SOBP: variants seen among roughly 807,000 people sequenced by gnomAD.
The protein encoded by SOBP is sine oculis-binding protein homolog.
Under a neutral mutation model 53.6 loss-of-function variants are expected in SOBP, and 4 were observed. That is an observed-to-expected ratio of 0.07 (90% CI 0.04 to 0.17). The LOEUF (loss-of-function observed/expected upper bound fraction) is 0.17, where lower values mean the gene tolerates loss of function less well. Among genes scored for constraint, SOBP ranks in the 10% least tolerant of loss-of-function variants. SOBP has a pLI of 1.00. For missense variants in SOBP, 1,088 were observed against 1,204.7 expected, an observed-to-expected ratio of 0.90 and a Z score of 1.43; for synonymous variants, 584 against 522.6, an observed-to-expected ratio of 1.12 and a Z score of -1.60.
At chr6:107,578,602 G>A (rs80041093) in intron 4 of SOBP, among the ~76,000 whole-genome samples, 2,097 of 152,280 alleles carry the variant, frequency 0.014, 51 homozygotes, top group Admixed American at 0.048. Context: ...TACTTCATAA[G>A]TCATTTCTTT....
chr6:107,500,698 T>C (rs1283242352), intron 1 of SOBP, among the ~76,000 whole-genome samples: 1 of 151,440 alleles, frequency 6.6e-6, no homozygotes, highest in Non-Finnish European at 1.5e-5. Flanking sequence ...ATTTTTTGTA[T>C]TTTTATTAGA....
In SOBP at chr6:107,558,737, G is replaced by C. The variant is rs144907989; in HGVS notation, c.573+25127G>C. 5.6e-3 allele frequency among the ~76,000 whole-genome samples: 849 copies of C among 151,608 alleles called. 11 individuals are homozygous for C. The highest frequency in any genetic ancestry group is 0.02 in the African/African-American group (825 of 41,432). On this transcript the variant is annotated intron_variant, in intron 4 of 6. Coordinates refer to ENST00000317357, the MANE Select transcript of SOBP (RefSeq NM_018013.4). Reference sequence around the variant, plus strand: ...TTAAAACTGCAGAATACCATGGGTAGCATTTTAGTTCCGGTATGTTAATTC... The same window carrying C: ...TTAAAACTGCAGAATACCATGGGTACCATTTTAGTTCCGGTATGTTAATTC...
At chr6:107,559,294 C>T (rs1477176101) in intron 4 of SOBP, among the ~76,000 whole-genome samples, 1 of 152,076 alleles carries the variant, frequency 6.6e-6, no homozygotes, top group Non-Finnish European at 1.5e-5. Flanking sequence ...CCACGCTACA[C>T]CGACGTAAAG....
chr6:107,574,656 C>T lies in SOBP; in HGVS notation c.574-12424C>T, dbSNP rs199525760. Among the ~76,000 whole-genome samples the T allele has an allele frequency of 5.3e-5, 8 of 152,148 alleles. No homozygotes were observed. The East Asian group carries it at 1.5e-3, about 29-fold the overall frequency. ...TCACAGGACTCCCCTGGCACCACTC[C>T]TATTTCATCTGCAGCCACCATCCTC... On this transcript the variant is annotated intron_variant, in intron 4 of 6. Coordinates refer to ENST00000317357, the MANE Select transcript of SOBP (RefSeq NM_018013.4).
chr6:107,650,173 AT>A (rs1274171804), intron 6 of SOBP, among the ~76,000 whole-genome samples: 1 of 152,190 alleles, frequency 6.6e-6, no homozygotes, highest in East Asian at 1.9e-4. Context: ...TTTTTATTTT[AT>A]TTTTAGTACT....
At chr6:107,603,291 A>G (rs1786253142) in intron 5 of SOBP, among the ~76,000 whole-genome samples, 1 of 152,124 alleles carries the variant, frequency 6.6e-6, no homozygotes, top group Non-Finnish European at 1.5e-5. Flanking sequence ...CCCTGAATGG[A>G]GAATGGGTGT....
chr6:107,501,374 C>A (rs1437821175), intron 1 of SOBP, among the ~76,000 whole-genome samples: 1 of 152,206 alleles, frequency 6.6e-6, no homozygotes, highest in Non-Finnish European at 1.5e-5. Flanking sequence ...TAGGGGGTTG[C>A]TCCATGATTA....
intron 2 of SOBP, among the ~76,000 whole-genome samples, chr6:107,504,638 C>T (rs192141432): frequency 3.9e-5 from 6 of 152,296 alleles, no homozygotes; most frequent in East Asian, 1.9e-4. Context: ...TCAATATTTG[C>T]GTTGCATTCA....
intron 5 of SOBP, among the ~76,000 whole-genome samples, chr6:107,615,590 G>A (rs1352667514): frequency 1.3e-5 from 2 of 152,110 alleles, no homozygotes; most frequent in Admixed American, 6.5e-5. Context: ...GAATGTGCTT[G>A]GTTTTTTGTT....
At chr6:107,545,157 GA>G (rs1784260084) in intron 4 of SOBP, among the ~76,000 whole-genome samples, 1 of 152,216 alleles carries the variant, frequency 6.6e-6, no homozygotes, top group East Asian at 1.9e-4. Flanking sequence ...GTGGTTGAAA[GA>G]TAAATGAGAT....
rs540539416 is a variant in SOBP at position 107,627,829 on chromosome 6, A to G, written c.670-5685A>G. Among the ~76,000 whole-genome samples, 26 of 152,296 alleles carry G rather than the reference A, an allele frequency of 1.7e-4. 1 individual carries two copies. In the South Asian group the frequency reaches 5.2e-3, roughly 30 times the overall value. On this transcript the variant is annotated intron_variant, in intron 5 of 6. Coordinates refer to ENST00000317357, the MANE Select transcript of SOBP (RefSeq NM_018013.4). ...CAATTCCGTATGGCTTTGCATGTCT[A>G]TGACTAGGTCATCTTTTTCCTTCCT... is the stretch of plus-strand genomic sequence containing the variant.
intron 4 of SOBP, among the ~76,000 whole-genome samples, chr6:107,563,447 T>G (rs978741406): frequency 6.6e-6 from 1 of 152,140 alleles, no homozygotes. Flanking sequence ...CTGTAATTAT[T>G]CTGAGAATTC....
intron 1 of SOBP, among the ~76,000 whole-genome samples, chr6:107,496,064 G>A (rs1384701192): frequency 6.6e-6 from 1 of 152,176 alleles, no homozygotes; most frequent in Admixed American, 6.5e-5. Context: ...AAAGCATGTG[G>A]TAAGTGAGAT....
At chr6:107,591,058 C>T (rs942852324) in intron 5 of SOBP, among the ~76,000 whole-genome samples, 6 of 152,150 alleles carry the variant, frequency 3.9e-5, no homozygotes, top group African/African-American at 1.4e-4. Flanking sequence ...GCCCTCAGGT[C>T]TTGCCCCAGC....
chr6:107,585,762 G>C (rs1785546825), intron 4 of SOBP, among the ~76,000 whole-genome samples: 1 of 152,146 alleles, frequency 6.6e-6, no homozygotes, highest in Admixed American at 6.5e-5. Flanking sequence ...CCCTGGACTA[G>C]GTAGCAGAAG....
At chr6:107,631,463 CAAT>C (rs1263140584) in intron 5 of SOBP, among the ~76,000 whole-genome samples, 2 of 152,166 alleles carry the variant, frequency 1.3e-5, no homozygotes, top group African/African-American at 4.8e-5. Flanking sequence ...GTTTATAAAA[CAAT>C]AACTTACATG....
rs1770930637 is a variant in SOBP at position 107,634,800 on chromosome 6, C to T, written c.1956C>T (p.Gly652=). 1.4e-6 allele frequency: 2 copies of T among 1,400,900 alleles called. No homozygotes were observed. The highest frequency in any genetic ancestry group is 1.9e-6 in the Non-Finnish European group (2 of 1,074,812). 86.8% of individuals were successfully genotyped at this position (1,400,900 alleles called of 1,614,324 possible). The change falls in exon 6 of 7, where the codon GGC becomes GGT. Residue 652 remains glycine, a synonymous_variant. Transcript: ENST00000317357. This position sits in a 1 kb window ranked among gnomAD's most constrained non-coding sequence, Gnocchi z 4.5. ...GCGTGCTGCAGGGCCCGCAGGACGG[C>T]GTCATCGACCTGACCGTGGGCCACC... ...FPGVLQGPQD[G]VIDLTVGHRA...
intron 3 of SOBP, chr6:107,511,439 T>A (rs1004714588): frequency 6.6e-6 from 1 of 152,218 alleles, no homozygotes; most frequent in Non-Finnish European, 1.5e-5. Context: ...ATCCTAGCTT[T>A]GTTTTACAGT....
chr6:107,498,688 A>G lies in SOBP; in HGVS notation c.97-4969A>G, dbSNP rs181316820. On this transcript the variant is annotated intron_variant, in intron 1 of 6. Coordinates refer to ENST00000317357, the MANE Select transcript of SOBP (RefSeq NM_018013.4). ...TATCCTGGCAGTGTAAGATGCAACA[A>G]AAATTATTTTGCTGGTATAGGAAGA... Among the ~76,000 whole-genome samples the G allele has an allele frequency of 7.2e-5, 11 of 152,328 alleles. No homozygotes were observed. The East Asian group carries it at 9.6e-4, about 13-fold the overall frequency.
Sources: allele counts gnomAD v4.1 joint callset (sites outside exome capture counted in the v4.1 genomes callset), GRCh38; gene constraint gnomAD v4.1.1; non-coding constraint Gnocchi (gnomAD v3.1); transcripts MANE v1.5; gene names NCBI Gene and HGNC (gene_info 2026-07-23, HGNC 2026-07-21).